IQGAP2: variants seen among roughly 807,000 people sequenced by gnomAD.
IQGAP2 encodes ras GTPase-activating-like protein IQGAP2.
Under a neutral mutation model 201.3 loss-of-function variants are expected in IQGAP2, and 173 were observed. The observed-to-expected ratio is 0.86, with a 90% CI of 0.76 to 0.98. The LOEUF (loss-of-function observed/expected upper bound fraction) is 0.98, where lower values mean the gene tolerates loss of function less well. Among genes scored for constraint, IQGAP2 ranks in the 50% least tolerant of loss-of-function variants. The pLI, the probability that IQGAP2 is intolerant of heterozygous loss-of-function variation, is 0.00. For synonymous variants in IQGAP2, 675 were observed against 673.9 expected (o/e 1.00, Z -0.03); for missense variants, 1,687 against 1,864.8 (o/e 0.90, Z 1.76).
intron 2 of IQGAP2, among the ~76,000 whole-genome samples, chr5:76,533,883 C>A (rs1759472884): frequency 6.6e-6 from 1 of 152,162 alleles, no homozygotes; most frequent in African/African-American, 2.4e-5. Context: ...ATTTGTAATT[C>A]TTTATATATT....
intron 5 of IQGAP2, among the ~76,000 whole-genome samples, chr5:76,578,991 A>C (rs887494584): frequency 7.9e-5 from 12 of 152,124 alleles, no homozygotes; most frequent in African/African-American, 2.7e-4. Context: ...CTTATTAAAG[A>C]TGTATAATAA....
chr5:76,696,219 T>A (rs1378843312), intron 32 of IQGAP2, among the ~76,000 whole-genome samples: 2 of 152,206 alleles, frequency 1.3e-5, no homozygotes, highest in Non-Finnish European at 2.9e-5. Flanking sequence ...CTTTAAAGTT[T>A]TAAAAATAAC....
intron 24 of IQGAP2, 139 bp from the exon 25 acceptor site, chr5:76,673,310 C>T: frequency 1.3e-6 from 1 of 782,858 alleles, no homozygotes; most frequent in Non-Finnish European, 1.9e-6. Flanking sequence ...AGCCTCCCCT[C>T]ATTTAGTAAA....
rs1447544935 is a variant in IQGAP2, at chr5:76,641,062, T to C, written c.2053T>C (p.Ser685Pro). The C allele has an allele frequency of 6.2e-7, 1 of 1,608,346 alleles. No homozygotes were observed. Among genetic ancestry groups the C allele is most frequent in the Admixed American group, 1.7e-5 (1 of 59,890 alleles). ...ILREEFEARK[S>P]FLHEQEENVV... is the part of the protein sequence containing the mutation. ...TAGGGAAGAGTTTGAAGCTAGAAAATCATTTTTGCATGAACAAGAAGAGAA... is the reference window on the plus strand; with the variant it reads ...TAGGGAAGAGTTTGAAGCTAGAAAACCATTTTTGCATGAACAAGAAGAGAA... The change falls in exon 17 of 36, where the codon TCA (serine) becomes CCA (proline). Residue 685 changes from serine to proline, a missense_variant. Coordinates refer to ENST00000274364, the MANE Select transcript of IQGAP2 (RefSeq NM_006633.5).
Position 76,611,148 on chromosome 5 carries a change from G to A in IQGAP2, c.1486G>A (p.Asp496Asn). 5.6e-6 allele frequency: 9 copies of A among 1,613,730 alleles called. No homozygotes were observed. Among genetic ancestry groups the A allele is most frequent in the Non-Finnish European group, 7.6e-6 (9 of 1,179,884 alleles). The change falls in exon 13 of 36, where the codon GAT becomes AAT. Residue 496 changes from aspartate to asparagine, a missense_variant. Coordinates refer to ENST00000274364, the MANE Select transcript of IQGAP2 (RefSeq NM_006633.5). Reference sequence around the variant, plus strand: ...CCCAGCCCATGCCCAGCACTACCAGGATGTTTTATACCATGCTAAATCACA... The same window carrying A: ...CCCAGCCCATGCCCAGCACTACCAGAATGTTTTATACCATGCTAAATCACA... ...VDPAHAQHYQ[D>N]VLYHAKSQKL...
chr5:76,617,717 G>T (rs770934396), intron 13 of IQGAP2: 2 of 1,614,016 alleles, frequency 1.2e-6, no homozygotes, highest in African/African-American at 1.3e-5. Context: ...CAGTGTTGTT[G>T]TAGTAGTAGT....
chr5:76,407,112 TGGTACTACA>T (rs1328757069), intron 1 of IQGAP2, among the ~76,000 whole-genome samples: 1 of 152,108 alleles, frequency 6.6e-6, no homozygotes, highest in African/African-American at 2.4e-5. Flanking sequence ...CCTGAGTAGC[TGGTACTACA>T]GGCACACATC....
At chr5:76,668,642 T>C (rs1362077869) in intron 22 of IQGAP2, 39 bp from the exon 23 acceptor site, 2 of 1,535,708 alleles carry the variant, frequency 1.3e-6, no homozygotes, top group Non-Finnish European at 1.8e-6. Flanking sequence ...TATTGTTTTG[T>C]GGGATTTTTT....
At chr5:76,643,793 A>G (rs1248214914) in intron 17 of IQGAP2, among the ~76,000 whole-genome samples, 5 of 152,152 alleles carry the variant, frequency 3.3e-5, no homozygotes, top group African/African-American at 1.2e-4. Context: ...AAGAAAAACA[A>G]GCTACTCTGA....
At chr5:76,584,864 A>G (rs1224631636) in intron 5 of IQGAP2, among the ~76,000 whole-genome samples, 1 of 152,238 alleles carries the variant, frequency 6.6e-6, no homozygotes, top group Non-Finnish European at 1.5e-5. Flanking sequence ...TGAAGGAAGC[A>G]TTAGATTCAC....
At chr5:76,575,242 T>C (rs1391515430) in intron 4 of IQGAP2, among the ~76,000 whole-genome samples, 2 of 148,336 alleles carry the variant, frequency 1.3e-5, no homozygotes, top group Admixed American at 6.7e-5. Flanking sequence ...GTGTGTGTGT[T>C]GTATATGCAT....
At chr5:76,528,177 T>C (rs1759077530) in intron 2 of IQGAP2, among the ~76,000 whole-genome samples, 1 of 152,170 alleles carries the variant, frequency 6.6e-6, no homozygotes, top group South Asian at 2.1e-4. Context: ...CTGTGGAATT[T>C]TTCTCTTGGC....
chr5:76,509,550 C>G (rs530230697), intron 2 of IQGAP2, among the ~76,000 whole-genome samples: 1 of 152,026 alleles, frequency 6.6e-6, no homozygotes, highest in Non-Finnish European at 1.5e-5. Context: ...TGCCACCATG[C>G]CCGGCTAATT....
At chr5:76,509,984 C>CTTTTTTTTTT (rs11331690) in intron 2 of IQGAP2, among the ~76,000 whole-genome samples, 8 of 138,076 alleles carry the variant, frequency 5.8e-5, no homozygotes, top group African/African-American at 1.6e-4. Flanking sequence ...AATTTTCTTT[C>CTTTTTTTTTT]TTTTTTTTTT....
chr5:76,649,544 T>G lies in IQGAP2; in HGVS notation c.2095-3206T>G, dbSNP rs115581215. Among the ~76,000 whole-genome samples the G allele has an allele frequency of 8.1e-3, 1,239 of 152,294 alleles. 15 individuals carry two copies. Among genetic ancestry groups the G allele is most frequent in the African/African-American group, 0.028 (1,158 of 41,550 alleles). On this transcript the variant is annotated intron_variant, in intron 17 of 35. Coordinates refer to ENST00000274364, the MANE Select transcript of IQGAP2 (RefSeq NM_006633.5). Reference sequence around the variant, plus strand: ...AATACATTTTTCTACTCTTGAGTTTTTAAAGTTGACAGTTGAAGTGCTGTT... The same window carrying G: ...AATACATTTTTCTACTCTTGAGTTTGTAAAGTTGACAGTTGAAGTGCTGTT...
intron 12 of IQGAP2, chr5:76,609,129 A>G (rs1205379394): frequency 6.5e-7 from 1 of 1,535,898 alleles, no homozygotes; most frequent in Non-Finnish European, 8.7e-7. Flanking sequence ...AGCAGACAGC[A>G]ACTTTAGCAG....
intron 2 of IQGAP2, among the ~76,000 whole-genome samples, chr5:76,518,664 G>A (rs1758484550): frequency 6.6e-6 from 1 of 152,170 alleles, no homozygotes; most frequent in South Asian, 2.1e-4. Context: ...TAATTGAACG[G>A]AGGTTATTTG....
intron 2 of IQGAP2, among the ~76,000 whole-genome samples, chr5:76,516,176 G>A (rs1393662115): frequency 6.6e-6 from 1 of 152,042 alleles, no homozygotes; most frequent in African/African-American, 2.4e-5. Flanking sequence ...CACCCAGCCA[G>A]GGATGATCTT....
chr5:76,588,569 A>G (rs1049953802), intron 5 of IQGAP2, among the ~76,000 whole-genome samples: 2 of 152,246 alleles, frequency 1.3e-5, no homozygotes, highest in African/African-American at 4.8e-5. Context: ...AGGAATATTC[A>G]AAGAAATGTT....
Sources: gnomAD v4.1 joint callset for allele counts (sites outside exome capture counted in the v4.1 genomes callset) on GRCh38, gnomAD v4.1.1 for gene constraint, MANE v1.5 for transcripts, NCBI Gene and HGNC (gene_info 2026-07-23, HGNC 2026-07-21) for gene names.